Variants in WNK1 observed in about 807,000 individuals in gnomAD.
WNK1 encodes the protein WNK lysine deficient protein kinase 1, also known as serine/threonine-protein kinase WNK1.
WNK1 carries 38 observed loss-of-function variants against 222.8 expected under a neutral mutation model. The observed-to-expected ratio is 0.17, with a 90% confidence interval of 0.13 to 0.22. The LOEUF is 0.22. Among genes scored for constraint, WNK1 ranks in the 10% least tolerant of loss-of-function variants. The pLI, the probability that WNK1 is intolerant of heterozygous loss-of-function variation, is 1.00. For synonymous variants in WNK1, 1,090 were observed against 1,092.9 expected, an observed-to-expected ratio of 1.00 and a Z score of 0.05; for missense variants, 2,348 against 2,918.4, an observed-to-expected ratio of 0.80 and a Z score of 4.50.
intron 4 of WNK1, among the ~76,000 whole-genome samples, chr12:837,498 C>T (rs1006372420): frequency 6.7e-6 from 1 of 150,024 alleles, no homozygotes; most frequent in East Asian, 2.0e-4. Context: ...CACTTGAACC[C>T]GGGAGGCAGA....
intron 1 of WNK1, among the ~76,000 whole-genome samples, chr12:806,821 A>G (rs1249541809): frequency 1.3e-5 from 2 of 152,238 alleles, no homozygotes; most frequent in African/African-American, 4.8e-5. Flanking sequence ...CAGAATTAGT[A>G]AAACATTACA....
chr12:878,131 A>G, intron 9 of WNK1, 81 bp from the exon 10 acceptor site: 6 of 1,556,308 alleles, frequency 3.9e-6, no homozygotes, highest in Non-Finnish European at 5.3e-6. Flanking sequence ...CAGACACTGA[A>G]GGCTTTAGGT....
chr12:908,861 G>GGGGGGGGGGGGGGGGCCC lies in WNK1; in HGVS notation c.*69_*70insGGGGGGGGGGGGGGGCCC. ...ATGCTGAGGGGGTGGGTGGGGGTGG[G>GGGGGGGGGGGGGGGGCCC]AAGTAGCCTATATACTAACTACTAG... On this transcript the variant is annotated 3_prime_UTR_variant, in exon 28 of 28. Coordinates refer to ENST00000315939, the MANE Select transcript of WNK1 (RefSeq NM_018979.4). 1.8e-5 allele frequency: 9 copies of GGGGGGGGGGGGGGGGCCC among 491,846 alleles called. No individual in the cohort carries two copies. Among genetic ancestry groups the GGGGGGGGGGGGGGGGCCC allele is most frequent in the East Asian group, 1.2e-4 (2 of 16,748 alleles). 30.5% of individuals were successfully genotyped at this position (491,846 alleles called of 1,614,324 possible).
Position 884,458 on chromosome 12 carries a change from T to C in WNK1, c.3845-191T>C, listed in dbSNP as rs1233161617. Among the ~76,000 whole-genome samples, 1 of 152,168 alleles carries C rather than the reference T, an allele frequency of 6.6e-6. No homozygotes were observed. Among genetic ancestry groups the C allele is most frequent in the African/African-American group, 2.4e-5 (1 of 41,442 alleles). On this transcript the variant is annotated intron_variant, in intron 18 of 27. Transcript: ENST00000315939. The surrounding 1 kb of genome is among the most constrained non-coding windows in gnomAD (Gnocchi z 5.6). ...GCCAAGAAGCACGGCCATACCAAGATATAGTCTGTATAATAGATATTGTAG... is the reference window on the plus strand; with the variant it reads ...GCCAAGAAGCACGGCCATACCAAGACATAGTCTGTATAATAGATATTGTAG...
intron 1 of WNK1, among the ~76,000 whole-genome samples, chr12:804,616 ACCTGCCTTGG>A (rs1946190082): frequency 6.6e-6 from 1 of 152,092 alleles, no homozygotes; most frequent in East Asian, 1.9e-4. Context: ...CAGGTGATCC[ACCTGCCTTGG>A]CCTCCCAAAG....
At chr12:767,246 T>G (rs1205749431) in intron 1 of WNK1, among the ~76,000 whole-genome samples, 48 of 32,024 alleles carry the variant, frequency 1.5e-3, no homozygotes, top group Admixed American at 3.6e-3. Flanking sequence ...TTTTTTTTTT[T>G]TTTTTTTTTT....
Position 884,174 on chromosome 12 carries a change from A to C in WNK1, c.3775A>C (p.Ile1259Leu). 6.2e-7 allele frequency: 1 copy of C among 1,614,208 alleles called. No individual in the cohort carries two copies. Among genetic ancestry groups the C allele is most frequent in the Non-Finnish European group, 8.5e-7 (1 of 1,180,020 alleles). Residue 1259 changes from isoleucine (I) to leucine (L), a missense_variant, in exon 18 of 28, where the codon ATA (isoleucine) becomes CTA (leucine). Ile to Leu is a conservative substitution (Grantham distance 5). Transcript: ENST00000315939. This position sits in a 1 kb window ranked among gnomAD's most constrained non-coding sequence, Gnocchi z 5.6. ...TGTTCATTCTGCGGGAAGGCGGTTT[A>C]TAGTGAGTCCTGTGCCAGAAAGCCG... ...QVVHSAGRRFIVSPVPESRLR... is the reference protein window; with the variant it reads ...QVVHSAGRRFLVSPVPESRLR...
At chr12:780,264 AT>A (rs1380984326) in intron 1 of WNK1, among the ~76,000 whole-genome samples, 2 of 152,240 alleles carry the variant, frequency 1.3e-5, no homozygotes, top group Non-Finnish European at 2.9e-5. Context: ...TATTTTGGAT[AT>A]ACTTCAAGTT....
chr12:896,161 T>C lies in WNK1; in HGVS notation c.5674T>C (p.Ser1892Pro), dbSNP rs1310813736. 1 of 1,613,968 alleles carries C rather than the reference T, an allele frequency of 6.2e-7. No homozygotes were observed. Among genetic ancestry groups the C allele is most frequent in the Admixed American group, 1.7e-5 (1 of 60,004 alleles). The change falls in exon 24 of 28, where the codon TCC becomes CCC. Residue 1892 changes from serine (S) to proline (P), a missense_variant. Around this residue, in one of 13 missense-constraint regions of WNK1, gnomAD observed 1,144 missense variants for 1,273.6 expected, o/e 0.90. Coordinates refer to ENST00000315939, the MANE Select transcript of WNK1 (RefSeq NM_018979.4). ...TCATTTTGAATCCAGCACCTCAGAG[T>C]CCTCAGTGCTATCAAGTAGTAGTCC... ...SVHFESSTSE[S>P]SVLSSSSPES...
chr12:898,482 C>CAAAA (rs374726378), intron 25 of WNK1, among the ~76,000 whole-genome samples: 1 of 76,832 alleles, frequency 1.3e-5, no homozygotes, highest in African/African-American at 5.4e-5. Flanking sequence ...GACTCTGTCT[C>CAAAA]AAAAAAAAAA....
intron 6 of WNK1, among the ~76,000 whole-genome samples, chr12:860,332 G>A (rs1331208970): frequency 1.3e-5 from 2 of 152,174 alleles, no homozygotes; most frequent in Admixed American, 1.3e-4. Context: ...TTTGAAGTAT[G>A]TCTAAAAGAT....
At chr12:775,988 A>G (rs950175000) in intron 1 of WNK1, among the ~76,000 whole-genome samples, 1 of 152,146 alleles carries the variant, frequency 6.6e-6, no homozygotes, top group Non-Finnish European at 1.5e-5. Context: ...TTCAAACTTT[A>G]TGATTACCTT....
At position 900,605 on chromosome 12, in the gene WNK1, A is replaced by G. The variant is rs1955174253; in HGVS notation, c.6578A>G (p.Asn2193Ser). ...QPLKPSPSSD[N>S]LYSAFTSDGA... ...CTTAAGCCATCTCCCTCCAGTGACA[A>G]CCTCTATTCAGCCTTCACCAGTGAT... Residue 2193 changes from asparagine to serine, a missense_variant, in exon 26 of 28, where the codon AAC becomes AGC. This residue lies in a region of WNK1 where 1,144 missense variants were observed against 1,273.6 expected (regional missense o/e 0.90). Transcript: ENST00000315939. The G allele has an allele frequency of 3.7e-6, 6 of 1,614,068 alleles. No individual in the cohort carries two copies. Among genetic ancestry groups the G allele is most frequent in the East Asian group, 2.2e-5 (1 of 44,884 alleles).
chr12:813,883 C>G (rs1485496386), intron 2 of WNK1, 69 bp downstream of exon 2: 1 of 1,528,508 alleles, frequency 6.5e-7, no homozygotes, highest in Non-Finnish European at 8.9e-7. Flanking sequence ...AATTTCAGGT[C>G]TACCAGTTTC....
intron 4 of WNK1, among the ~76,000 whole-genome samples, chr12:852,024 AGTTAAT>A (rs1441536150): frequency 5.3e-5 from 8 of 152,192 alleles, no homozygotes; most frequent in Non-Finnish European, 7.4e-5. Flanking sequence ...CTTTATTAAG[AGTTAAT>A]GTTAATGTTA....
intron 20 of WNK1, among the ~76,000 whole-genome samples, chr12:887,535 T>C (rs568534225): frequency 6.6e-6 from 1 of 152,366 alleles, no homozygotes; most frequent in African/African-American, 2.4e-5. Flanking sequence ...TACTAATTTT[T>C]TTTTTATATC....
At chr12:830,183 G>A (rs1948679394) in intron 4 of WNK1, 23 bp downstream of exon 4, 2 of 1,613,488 alleles carry the variant, frequency 1.2e-6, no homozygotes, top group African/African-American at 1.3e-5. Flanking sequence ...CTAACTGATT[G>A]TTGAACTTGG....
chr12:754,168 G>C lies in WNK1; in HGVS notation c.603G>C (p.Gln201His). 1 of 1,613,414 alleles carries C rather than the reference G, an allele frequency of 6.2e-7. No homozygotes were observed. The highest frequency in any genetic ancestry group is 8.5e-7 in the Non-Finnish European group (1 of 1,180,054). Reference sequence around the variant, plus strand: ...CACAGGAGGAACGGAGCCAGCAGCAGGATGATATCGAAGAGCTGGAGACCA... The same window carrying C: ...CACAGGAGGAACGGAGCCAGCAGCACGATGATATCGAAGAGCTGGAGACCA... ...KEPQEERSQQQDDIEELETKA... is the reference protein window; with the variant it reads ...KEPQEERSQQHDDIEELETKA... The change falls in exon 1 of 28, where the codon CAG (glutamine) becomes CAC (histidine). Residue 201 changes from glutamine (Q) to histidine (H), a missense_variant. By Grantham distance (24) the Gln-to-His change is conservative. Around this residue, in one of 13 missense-constraint regions of WNK1, gnomAD observed 185 missense variants for 159.2 expected, o/e 1.16. Transcript: ENST00000315939.
In WNK1 at chr12:753,715, G is replaced by A; in HGVS notation, c.150G>A (p.Arg50=). 6.2e-7 allele frequency: 1 copy of A among 1,612,176 alleles called. No individual in the cohort carries two copies. Among genetic ancestry groups the A allele is most frequent in the Non-Finnish European group, 8.5e-7 (1 of 1,179,802 alleles). ...GAAAADAVTG[R]TEEYRRRRHT... ...CGGCCGCCGACGCTGTGACCGGCAG[G>A]ACCGAGGAGTACAGGCGCCGCCGCC... Residue 50 remains arginine (R), a synonymous_variant, in exon 1 of 28, where the codon AGG becomes AGA. Transcript: ENST00000315939. This position sits in a 1 kb window ranked among gnomAD's most constrained non-coding sequence, Gnocchi z 5.2.
Sources: gnomAD v4.1 joint callset for allele counts (sites outside exome capture counted in the v4.1 genomes callset) on GRCh38, gnomAD v4.1.1 for gene constraint, gnomAD v4.1.1 regional missense constraint, Gnocchi (gnomAD v3.1) non-coding constraint, MANE v1.5 for transcripts, NCBI Gene and HGNC (gene_info 2026-07-23, HGNC 2026-07-21) for gene names.